The following GLT8D2 variants were observed in gnomAD, a reference collection of about 807,000 sequenced individuals.
GLT8D2 encodes glycosyltransferase 8 domain containing 2, also known as glycosyltransferase 8 domain-containing protein 2.
GLT8D2 carries 45 observed loss-of-function variants against 44.5 expected under a neutral mutation model. The ratio of observed to expected loss-of-function variants is 1.01; its 90% CI spans 0.80 to 1.30. GLT8D2 has a LOEUF of 1.30. GLT8D2 is among the 50% of genes most tolerant of loss of function. The probability of loss-of-function intolerance (pLI) is 0.00; values close to 1 mark genes in which losing one functional copy is unlikely to be tolerated. For synonymous variants in GLT8D2, 156 were observed against 157.2 expected (o/e 0.99, Z 0.06); for missense variants, 400 against 430.4 (o/e 0.93, Z 0.62).
chr12:104,059,894 C>T (rs979768100), intron 1 of GLT8D2, among the ~76,000 whole-genome samples: 34 of 152,190 alleles, frequency 2.2e-4, no homozygotes, highest in African/African-American at 7.7e-4. Context: ...CCTCTCTCTC[C>T]TTGCCAGCCA....
At chr12:104,014,178 G>A (rs1727032354) in intron 4 of GLT8D2, 4 of 636,944 alleles carry the variant, frequency 6.3e-6, no homozygotes, top group Non-Finnish European at 1.1e-5. Context: ...AACCTGAGCA[G>A]CATGGCAAAA....
At chr12:104,025,688 G>T (rs774355863) in intron 1 of GLT8D2, among the ~76,000 whole-genome samples, 1 of 152,118 alleles carries the variant, frequency 6.6e-6, no homozygotes, top group Non-Finnish European at 1.5e-5. Flanking sequence ...TAATCTTTTA[G>T]CATATGGTTA....
intron 10 of GLT8D2, among the ~76,000 whole-genome samples, chr12:103,991,823 TAAAAAAAA>T (rs11340919): frequency 9.7e-5 from 12 of 123,174 alleles, no homozygotes; most frequent in Admixed American, 3.5e-4. Flanking sequence ...TTACGTCCTT[TAAAAAAAA>T]AAAAAAAAAA....
intron 1 of GLT8D2, among the ~76,000 whole-genome samples, chr12:104,026,946 A>G (rs1176479007): frequency 6.6e-6 from 1 of 152,258 alleles, no homozygotes; most frequent in African/African-American, 2.4e-5. Context: ...GAAACTAACA[A>G]CATGACAGAG....
intron 1 of GLT8D2, among the ~76,000 whole-genome samples, chr12:104,040,558 T>G (rs1420597828): frequency 6.6e-6 from 1 of 152,102 alleles, no homozygotes; most frequent in Admixed American, 6.6e-5. Context: ...CCAAAGTAGC[T>G]GGGATTACAG....
chr12:104,050,872 T>G (rs1881652849), upstream of GLT8D2, among the ~76,000 whole-genome samples: 1 of 150,904 alleles, frequency 6.6e-6, no homozygotes, highest in African/African-American at 2.4e-5. Flanking sequence ...TAGAGTGCAG[T>G]GATGAGATCT....
At chr12:104,016,506 T>C (rs912683280) in intron 3 of GLT8D2, among the ~76,000 whole-genome samples, 1 of 151,416 alleles carries the variant, frequency 6.6e-6, no homozygotes, top group Admixed American at 6.6e-5. Flanking sequence ...GTGTTGCGCA[T>C]GCCTGTAGTC....
chr12:104,013,454 T>A (rs1593541675), intron 4 of GLT8D2, among the ~76,000 whole-genome samples: 1 of 152,222 alleles, frequency 6.6e-6, no homozygotes, highest in East Asian at 1.9e-4. Context: ...CCTCACGAGT[T>A]GATGTACATG....
At chr12:104,012,340 T>A (rs1399790891) in intron 4 of GLT8D2, among the ~76,000 whole-genome samples, 2 of 152,112 alleles carry the variant, frequency 1.3e-5, no homozygotes, top group Non-Finnish European at 2.9e-5. Context: ...TTGAATGGTA[T>A]TTTATAACAT....
chr12:104,041,005 G>A (rs904979706), intron 1 of GLT8D2, among the ~76,000 whole-genome samples: 1 of 152,022 alleles, frequency 6.6e-6, no homozygotes. Context: ...GGTGGCTCAC[G>A]CCTGTAATCC....
Position 104,019,557 on chromosome 12 carries a change from G to A in GLT8D2, c.19+73C>T, listed in dbSNP as rs1183114839. 5.8e-6 allele frequency: 7 copies of A among 1,199,558 alleles called. No individual in the cohort carries two copies. The Admixed American group carries it at 1.5e-4, about 26-fold the overall frequency. The allele number at this position is 1,199,558 out of a possible 1,614,324, so 74.3% of individuals were successfully genotyped here. Reference sequence around the variant, plus strand: ...ACACAATCCAAGAAAGAAGAAAAGAGCCAAGCCCCAGCCTCAAAACCATCC... The same window carrying A: ...ACACAATCCAAGAAAGAAGAAAAGAACCAAGCCCCAGCCTCAAAACCATCC... On this transcript the variant is annotated intron_variant, in intron 3 of 10. Coordinates refer to ENST00000360814, the MANE Select transcript of GLT8D2 (RefSeq NM_001384711.1).
intron 1 of GLT8D2, among the ~76,000 whole-genome samples, chr12:104,039,967 T>TA (rs780418913): frequency 6.6e-5 from 10 of 152,148 alleles, no homozygotes; most frequent in Non-Finnish European, 1.3e-4. Flanking sequence ...TATGCAGCCA[T>TA]AAAAAAGGTG....
At chr12:104,034,272 A>G (rs552768513) in intron 1 of GLT8D2, among the ~76,000 whole-genome samples, 3 of 152,210 alleles carry the variant, frequency 2.0e-5, no homozygotes, top group African/African-American at 4.8e-5. Context: ...TACCTCGTTC[A>G]TCTCATTGGG....
At position 104,018,412 on chromosome 12, in the gene GLT8D2, C is replaced by T. The variant is rs975327302; in HGVS notation, c.19+1218G>A. ...TGCCCTCCAAAGCTACATCCTGAGG[C>T]TGTGATTCTATTTTGCTGACACCCA... On this transcript the variant is annotated intron_variant, in intron 3 of 10. Coordinates refer to ENST00000360814, the MANE Select transcript of GLT8D2 (RefSeq NM_001384711.1). Among the ~76,000 whole-genome samples, 10 of 152,290 alleles carry T rather than the reference C, an allele frequency of 6.6e-5. No individual in the cohort carries two copies. The South Asian group carries it at 1.9e-3, about 28-fold the overall frequency.
intron 6 of GLT8D2, among the ~76,000 whole-genome samples, chr12:103,999,024 C>T (rs979265848): frequency 3.9e-5 from 6 of 152,280 alleles, no homozygotes; most frequent in African/African-American, 9.6e-5. Context: ...TCGGACACTC[C>T]GAGGCAGCTT....
chr12:104,038,580 A>T (rs1029924386), intron 1 of GLT8D2, among the ~76,000 whole-genome samples: 3 of 152,174 alleles, frequency 2.0e-5, no homozygotes, highest in African/African-American at 7.2e-5. Context: ...TAGGAATCCA[A>T]CTTACAAGGG....
At position 104,001,365 on chromosome 12, in the gene GLT8D2, T is replaced by C. The variant is rs988665616; in HGVS notation, c.284+1770A>G. Among the ~76,000 whole-genome samples the C allele has an allele frequency of 6.6e-5, 10 of 152,240 alleles. 1 individual carries two copies. Among genetic ancestry groups the C allele is most frequent in the Admixed American group, 5.2e-4 (8 of 15,284 alleles). On this transcript the variant is annotated intron_variant, in intron 5 of 10. Transcript: ENST00000360814. ...GTTGTACACGTATTTTGGTAATATG[T>C]ACTAGAATTTTTGTAGCACAGATTC...
At position 104,016,758 on chromosome 12, in the gene GLT8D2, AGAAAGAAAGAAAGAAAGAAGGAAGGAAG is replaced by A. The variant is rs1422585971; in HGVS notation, c.20-1681_20-1654del. 5.5e-3 allele frequency among the ~76,000 whole-genome samples: 549 copies of A among 99,714 alleles called. 10 individuals are homozygous for A. Among genetic ancestry groups the A allele is most frequent in the African/African-American group, 0.013 (342 of 27,344 alleles). The allele number at this position is 99,714 out of a possible 152,430, so 65.4% of individuals were successfully genotyped here. A position where few individuals can be genotyped will look rare whatever the true frequency, so the allele number is the denominator to read the frequency against. On this transcript the variant is annotated intron_variant, in intron 3 of 10. Transcript: ENST00000360814. ...AAGAAAGAAAGAAAGAAAGAAAGAA[AGAAAGAAAGAAAGAAAGAAGGAAGGAAG>A]GAAGGAAGGAAGGAAGGAAGGAAAG...
intron 9 of GLT8D2, chr12:103,994,011 AAATC>A (rs1366323858): frequency 1.7e-5 from 3 of 173,858 alleles, no homozygotes; most frequent in Non-Finnish European, 3.6e-5. Flanking sequence ...CTTAATAAAA[AAATC>A]TATGTTAGGA....
Sources: allele counts gnomAD v4.1 joint callset (sites outside exome capture counted in the v4.1 genomes callset), GRCh38; gene constraint gnomAD v4.1.1; transcripts MANE v1.5; gene names NCBI Gene and HGNC (gene_info 2026-07-23, HGNC 2026-07-21).